GALNT10: variants seen among roughly 807,000 people sequenced by gnomAD.
GALNT10 encodes GalNAc transferase 10.
A neutral mutation model predicts 75.0 loss-of-function variants in GALNT10; 41 were observed. That is an observed-to-expected ratio of 0.55 (90% CI 0.43 to 0.71). The LOEUF is 0.71. Among genes scored for constraint, GALNT10 ranks in the 30% least tolerant of loss-of-function variants. GALNT10 has a pLI of 0.00. For missense variants in GALNT10, 727 were observed against 818.5 expected, an observed-to-expected ratio of 0.89 and a Z score of 1.36; for synonymous variants, 302 against 313.0, an observed-to-expected ratio of 0.96 and a Z score of 0.37.
intron 1 of GALNT10, among the ~76,000 whole-genome samples, chr5:154,277,162 T>G (rs1753964449): frequency 6.6e-6 from 1 of 152,004 alleles, no homozygotes; most frequent in Admixed American, 6.6e-5. Flanking sequence ...GGGGCTGGGC[T>G]GGGCAGCTCT....
chr5:154,284,151 C>G (rs902312325), intron 1 of GALNT10, among the ~76,000 whole-genome samples: 1 of 152,230 alleles, frequency 6.6e-6, no homozygotes, highest in Non-Finnish European at 1.5e-5. Context: ...AAGAGCTATA[C>G]TTGCTGCATC....
chr5:154,307,048 TGAGA>T (rs1249387607), intron 3 of GALNT10, among the ~76,000 whole-genome samples: 6 of 152,152 alleles, frequency 3.9e-5, no homozygotes, highest in Non-Finnish European at 7.3e-5. Flanking sequence ...ATATCAGGAA[TGAGA>T]GAGATGACAT....
In GALNT10 at chr5:154,329,858, C is replaced by T. The variant is rs1316238633; in HGVS notation, c.568+120C>T. 3 of 639,928 alleles carry T rather than the reference C, an allele frequency of 4.7e-6. No individual in the cohort carries two copies. In the African/African-American group the frequency reaches 5.5e-5, roughly 12 times the overall value. 39.6% of individuals were successfully genotyped at this position (639,928 alleles called of 1,614,324 possible). A position where few individuals can be genotyped will look rare whatever the true frequency, so the allele number is the denominator to read the frequency against. On this transcript the variant is annotated intron_variant, in intron 4 of 11. Transcript: ENST00000297107. The stretch of plus-strand genomic sequence containing the variant: ...ATATAGGCCATCATTGGCTAAATGC[C>T]TGGACGTTGCACTGTGCACACATTT...
At chr5:154,292,260 A>G (rs1754204415) in intron 1 of GALNT10, among the ~76,000 whole-genome samples, 1 of 152,204 alleles carries the variant, frequency 6.6e-6, no homozygotes, top group Non-Finnish European at 1.5e-5. Flanking sequence ...TTGCTAAAAC[A>G]CGGATTGCTG....
chr5:154,361,289 G>A (rs965499241), intron 4 of GALNT10, among the ~76,000 whole-genome samples: 1 of 150,422 alleles, frequency 6.6e-6, no homozygotes, highest in East Asian at 1.9e-4. Flanking sequence ...GAGTCAACCC[G>A]GCCTGGATTC....
chr5:154,210,602 C>G (rs1178582559), intron 1 of GALNT10, among the ~76,000 whole-genome samples: 3 of 152,196 alleles, frequency 2.0e-5, no homozygotes, highest in African/African-American at 7.2e-5. Flanking sequence ...CTCTATTAAA[C>G]TGTAAGTGTT....
At chr5:154,360,453 A>G (rs1379866676) in intron 4 of GALNT10, among the ~76,000 whole-genome samples, 5 of 138,332 alleles carry the variant, frequency 3.6e-5, no homozygotes, top group Non-Finnish European at 7.9e-5. Flanking sequence ...CTCCATCTAA[A>G]AAAAAAAAAA....
intron 4 of GALNT10, among the ~76,000 whole-genome samples, chr5:154,343,835 A>T (rs1052158132): frequency 6.6e-6 from 1 of 152,116 alleles, no homozygotes; most frequent in Non-Finnish European, 1.5e-5. Context: ...TCCTTCCTCA[A>T]TATGAGCCCA....
At chr5:154,326,459 A>G (rs1394596936) in intron 3 of GALNT10, among the ~76,000 whole-genome samples, 1 of 152,258 alleles carries the variant, frequency 6.6e-6, no homozygotes, top group Non-Finnish European at 1.5e-5. Flanking sequence ...GTTCATATTC[A>G]TGTTATTCAT....
intron 7 of GALNT10, among the ~76,000 whole-genome samples, chr5:154,395,890 C>T (rs1338765682): frequency 1.3e-5 from 2 of 152,200 alleles, no homozygotes; most frequent in African/African-American, 2.4e-5. Flanking sequence ...CCCCAGGCTG[C>T]TGAGTCAGAG....
In GALNT10 at chr5:154,309,656, C is replaced by T. The variant is rs553822601; in HGVS notation, c.401+11577C>T. Among the ~76,000 whole-genome samples the T allele has an allele frequency of 4.9e-4, 75 of 152,110 alleles. 1 individual carries two copies. In the Middle Eastern group the frequency reaches 0.01, roughly 21 times the overall value. ...TGTGGATATGAGAATAAGAGAGAAG[C>T]CAAGGATAATGCCAAGGTTTTTGGC... On this transcript the variant is annotated intron_variant, in intron 3 of 11. Coordinates refer to ENST00000297107, the MANE Select transcript of GALNT10 (RefSeq NM_198321.4).
At chr5:154,273,763 T>C (rs34902129) in intron 1 of GALNT10, among the ~76,000 whole-genome samples, 31,778 of 152,238 alleles carry the variant, frequency 0.21, 4,156 homozygotes, top group Non-Finnish European at 0.29. Flanking sequence ...ATTATAGGGT[T>C]TTTGGCATTT....
chr5:154,318,828 G>T (rs1051875211), intron 3 of GALNT10, among the ~76,000 whole-genome samples: 1 of 152,180 alleles, frequency 6.6e-6, no homozygotes, highest in Non-Finnish European at 1.5e-5. Flanking sequence ...ATCCCCAATT[G>T]TGTGTCTTTG....
intron 7 of GALNT10, chr5:154,392,610 G>C (rs1011498789): frequency 4.6e-5 from 7 of 152,428 alleles, no homozygotes; most frequent in African/African-American, 1.4e-4. Flanking sequence ...ACAGCCCTCT[G>C]ACATACACAG....
chr5:154,246,684 A>C lies in GALNT10; in HGVS notation c.160-48132A>C, dbSNP rs556004178. On this transcript the variant is annotated intron_variant, in intron 1 of 11. Coordinates refer to ENST00000297107, the MANE Select transcript of GALNT10 (RefSeq NM_198321.4). The stretch of plus-strand genomic sequence containing the variant: ...TGTTTTTTTCTTGTAAATTTATCTG[A>C]GTTCATTGTAGATTCTGGATATTAG... Among the ~76,000 whole-genome samples, 8 of 152,150 alleles carry C rather than the reference A, an allele frequency of 5.3e-5. No homozygotes were observed. The South Asian group carries it at 1.7e-3, about 32-fold the overall frequency.
intron 3 of GALNT10, among the ~76,000 whole-genome samples, chr5:154,318,786 TC>T (rs1249425729): frequency 1.3e-5 from 2 of 152,234 alleles, no homozygotes; most frequent in Non-Finnish European, 2.9e-5. Flanking sequence ...CTGTTTCTGC[TC>T]TTTTCACTAT....
rs573156498 is a variant in GALNT10 at position 154,213,394 on chromosome 5, G to A, written c.159+22369G>A. ...TTTCTCTCTGTTTTATGTCCATGAGGATATCAATGCTTTGAGGGATGCCTG... is the reference window on the plus strand; with the variant it reads ...TTTCTCTCTGTTTTATGTCCATGAGAATATCAATGCTTTGAGGGATGCCTG... On this transcript the variant is annotated intron_variant, in intron 1 of 11. Transcript: ENST00000297107. Among the ~76,000 whole-genome samples, 10 of 152,236 alleles carry A rather than the reference G, an allele frequency of 6.6e-5. No homozygotes were observed. The South Asian group carries it at 1.7e-3, about 25-fold the overall frequency.
intron 1 of GALNT10, among the ~76,000 whole-genome samples, chr5:154,293,598 T>C (rs1754227863): frequency 7.0e-6 from 1 of 143,718 alleles, no homozygotes; most frequent in African/African-American, 2.8e-5. Context: ...GGGGCTGATA[T>C]ATATATATAT....
At chr5:154,319,360 C>T (rs114068329) in intron 3 of GALNT10, among the ~76,000 whole-genome samples, 2,694 of 152,332 alleles carry the variant, frequency 0.018, 64 homozygotes, top group African/African-American at 0.052. Flanking sequence ...TTTGCTATTG[C>T]CAGTTTTCCT....
Sources: gnomAD v4.1 joint callset for allele counts (sites outside exome capture counted in the v4.1 genomes callset) on GRCh38, gnomAD v4.1.1 for gene constraint, MANE v1.5 for transcripts, NCBI Gene and HGNC (gene_info 2026-07-23, HGNC 2026-07-21) for gene names.